YAP1: variants seen among roughly 807,000 people sequenced by gnomAD.
The protein encoded by YAP1 is transcriptional coactivator YAP1.
Under a neutral mutation model 56.9 loss-of-function variants are expected in YAP1, and 5 were observed. The observed-to-expected ratio is 0.09, with a 90% CI of 0.05 to 0.18. The LOEUF (loss-of-function observed/expected upper bound fraction) is 0.18. YAP1 is among the 10% of genes least tolerant of loss of function. The pLI, the probability that YAP1 is intolerant of heterozygous loss-of-function variation, is 1.00. For synonymous variants in YAP1, 265 were observed against 248.1 expected (o/e 1.07, Z -0.64); for missense variants, 539 against 651.8 (o/e 0.83, Z 1.88).
chr11:102,187,984 T>C (rs1176985594), intron 4 of YAP1, among the ~76,000 whole-genome samples: 1 of 152,188 alleles, frequency 6.6e-6, no homozygotes, highest in Non-Finnish European at 1.5e-5. Context: ...TTTAATCTGT[T>C]CCAGACCTTT....
intron 2 of YAP1, among the ~76,000 whole-genome samples, chr11:102,118,988 C>T (rs1228432705): frequency 7.9e-5 from 12 of 151,988 alleles, no homozygotes; most frequent in African/African-American, 2.9e-4. Context: ...TGTTAAGTTG[C>T]ACACGTGCAC....
At chr11:102,156,597 T>C (rs1945961248) in intron 2 of YAP1, among the ~76,000 whole-genome samples, 2 of 152,238 alleles carry the variant, frequency 1.3e-5, no homozygotes. Context: ...ATTCTAGTCT[T>C]TGTTTTCAGT....
chr11:102,179,676 C>T (rs992959431), intron 3 of YAP1, among the ~76,000 whole-genome samples: 1 of 152,032 alleles, frequency 6.6e-6, no homozygotes, highest in East Asian at 1.9e-4. Context: ...TTTTCTTTCC[C>T]ATTTTTCATT....
chr11:102,141,123 C>G (rs1944998829), intron 2 of YAP1, among the ~76,000 whole-genome samples: 1 of 152,158 alleles, frequency 6.6e-6, no homozygotes, highest in South Asian at 2.1e-4. Flanking sequence ...GTTAATTCCT[C>G]TAGAGAGTCT....
At chr11:102,170,885 T>C (rs1946861955) in intron 3 of YAP1, among the ~76,000 whole-genome samples, 1 of 151,354 alleles carries the variant, frequency 6.6e-6, no homozygotes, top group Admixed American at 6.6e-5. Flanking sequence ...AGGAGAATCG[T>C]TTGAACTCGG....
Position 102,231,901 on chromosome 11 carries a change from TAAG to T in YAP1, c.*1965_*1967del, listed in dbSNP as rs1466210652. ...TTTGGAGGAGGGCAAAAGTTGGAAG[TAAG>T]AAGTTTTATTTTAAGTACTTTCAGT... On this transcript the variant is annotated 3_prime_UTR_variant, in exon 9 of 9. Coordinates refer to ENST00000282441, the MANE Select transcript of YAP1 (RefSeq NM_001130145.3). The T allele has an allele frequency of 3.9e-5, 6 of 152,666 alleles. No individual in the cohort carries two copies. The highest frequency in any genetic ancestry group is 7.2e-5 in the African/African-American group (3 of 41,550). 9.5% of individuals were successfully genotyped at this position (152,666 alleles called of 1,614,324 possible).
chr11:102,209,911 G>A (rs1949311748), intron 6 of YAP1, among the ~76,000 whole-genome samples: 1 of 152,124 alleles, frequency 6.6e-6, no homozygotes, highest in Non-Finnish European at 1.5e-5. Flanking sequence ...ATGATTTAAA[G>A]GAATTAATAA....
At chr11:102,221,934 G>A (rs1949954694) in intron 6 of YAP1, among the ~76,000 whole-genome samples, 1 of 151,802 alleles carries the variant, frequency 6.6e-6, no homozygotes, top group Non-Finnish European at 1.5e-5. Context: ...CAAATTTAGC[G>A]AAAGTTAATG....
At chr11:102,164,228 T>C (rs1205056398) in intron 3 of YAP1, among the ~76,000 whole-genome samples, 1 of 152,000 alleles carries the variant, frequency 6.6e-6, no homozygotes, top group Non-Finnish European at 1.5e-5. Flanking sequence ...AGAGACGGGG[T>C]TTCACTATGT....
At chr11:102,174,843 C>CATGAACATAGTAGTTGGG (rs1293650492) in intron 3 of YAP1, among the ~76,000 whole-genome samples, 1 of 152,126 alleles carries the variant, frequency 6.6e-6, no homozygotes, top group East Asian at 1.9e-4. Context: ...ATAAAGAGGA[C>CATGAACATAGTAGTTGGG]ATGAACATAG....
intron 2 of YAP1, among the ~76,000 whole-genome samples, chr11:102,121,018 A>G (rs1943614723): frequency 6.6e-6 from 1 of 152,142 alleles, no homozygotes; most frequent in African/African-American, 2.4e-5. Flanking sequence ...TATTTATAAA[A>G]CAGTCCTCCC....
chr11:102,155,069 A>C (rs1459765067), intron 2 of YAP1, among the ~76,000 whole-genome samples: 3 of 152,196 alleles, frequency 2.0e-5, no homozygotes, highest in Non-Finnish European at 4.4e-5. Context: ...GCAGAGGTTC[A>C]GAAAAGTCAA....
In YAP1 at chr11:102,115,336, T is replaced by G. The variant is rs531120425; in HGVS notation, c.572+942T>G. Among the ~76,000 whole-genome samples, 4 of 152,348 alleles carry G rather than the reference T, an allele frequency of 2.6e-5. No homozygotes were observed. In the South Asian group the frequency reaches 8.3e-4, roughly 32 times the overall value. On this transcript the variant is annotated intron_variant, in intron 2 of 8. Transcript: ENST00000282441. ...AGTGAAAAACAGTGTAAGTTTTGAT[T>G]CGGATAGGTCTTGACAGTCTACTCC...
intron 5 of YAP1, 58 bp downstream of exon 5, chr11:102,206,132 T>C (rs776488126): frequency 6.4e-7 from 1 of 1,562,482 alleles, no homozygotes; most frequent in Non-Finnish European, 8.7e-7. Flanking sequence ...TTCTTAAAGT[T>C]GGGCAGATTT....
In YAP1 at chr11:102,159,342, T is replaced by A. The variant is rs376061783; in HGVS notation, c.573-3114T>A. Among the ~76,000 whole-genome samples, 188 of 152,328 alleles carry A rather than the reference T, an allele frequency of 1.2e-3. 1 individual carries two copies. The highest frequency in any genetic ancestry group is 2.9e-3 in the South Asian group (14 of 4,828). On this transcript the variant is annotated intron_variant, in intron 2 of 8. Transcript: ENST00000282441. Reference sequence around the variant, plus strand: ...ACATGTCCAGGCTTCTGGTTAATTCTTTCCCTAAGCTGATAGCTCTCTGCA... The same window carrying A: ...ACATGTCCAGGCTTCTGGTTAATTCATTCCCTAAGCTGATAGCTCTCTGCA...
chr11:102,185,285 G>C (rs1248358353), intron 3 of YAP1, among the ~76,000 whole-genome samples: 1 of 152,146 alleles, frequency 6.6e-6, no homozygotes, highest in Non-Finnish European at 1.5e-5. Flanking sequence ...TATAAAGATA[G>C]GAAAATCCTT....
chr11:102,191,913 G>A (rs975527361), intron 4 of YAP1, among the ~76,000 whole-genome samples: 2 of 152,086 alleles, frequency 1.3e-5, no homozygotes, highest in African/African-American at 4.8e-5. Flanking sequence ...GGCTCAAGCA[G>A]TCTACCTGCC....
At chr11:102,121,716 G>A (rs910000083) in intron 2 of YAP1, among the ~76,000 whole-genome samples, 3 of 152,154 alleles carry the variant, frequency 2.0e-5, no homozygotes, top group African/African-American at 7.2e-5. Context: ...GTGGGGCTTG[G>A]ATCATTTCCC....
At position 102,230,696 on chromosome 11, in the gene YAP1, G is replaced by GGGTT. The variant is rs926347150; in HGVS notation, c.*773_*776dup. 1.0e-4 allele frequency: 16 copies of GGGTT among 152,472 alleles called. No homozygotes were observed. The highest frequency in any genetic ancestry group is 2.2e-4 in the Non-Finnish European group (15 of 67,980). The allele number at this position is 152,472 out of a possible 1,614,324, so 9.4% of individuals were successfully genotyped here. A position where few individuals can be genotyped will look rare whatever the true frequency, so the allele number is the denominator to read the frequency against. On this transcript the variant is annotated 3_prime_UTR_variant, in exon 9 of 9. Transcript: ENST00000282441. ...TTTGTTTTTGGCAGGGTCGGTGGGG[G>GGGTT]GGTTGGTTGGTTGGTTGGTTTTGTC...
Sources: allele counts gnomAD v4.1 joint callset (sites outside exome capture counted in the v4.1 genomes callset), GRCh38; gene constraint gnomAD v4.1.1; transcripts MANE v1.5; gene names NCBI Gene and HGNC (gene_info 2026-07-23, HGNC 2026-07-21).